Variants in SHISA6 observed in about 807,000 individuals in gnomAD.
SHISA6 encodes the protein shisa family member 6, also known as protein shisa-6.
In SHISA6, 22 loss-of-function variants were observed where a neutral mutation model predicts 47.9. The observed-to-expected ratio is 0.46, with a 90% CI of 0.33 to 0.66. The LOEUF is 0.66. Among genes scored for constraint, SHISA6 ranks in the 30% least tolerant of loss-of-function variants. The pLI, the probability that SHISA6 is intolerant of heterozygous loss-of-function variation, is 0.02. For synonymous variants in SHISA6, 388 were observed against 337.8 expected, an observed-to-expected ratio of 1.15 and a Z score of -1.63; for missense variants, 680 against 764.6, an observed-to-expected ratio of 0.89 and a Z score of 1.30.
chr17:11,399,450 C>T (rs981294585), intron 3 of SHISA6, among the ~76,000 whole-genome samples: 2 of 152,134 alleles, frequency 1.3e-5, no homozygotes, highest in South Asian at 4.1e-4. Context: ...GAGATGGAGT[C>T]TCACTCTGTC....
At chr17:11,271,601 C>CTTTTTTTTTTTT (rs770845288) in intron 2 of SHISA6, among the ~76,000 whole-genome samples, 4 of 99,688 alleles carry the variant, frequency 4.0e-5, no homozygotes, top group African/African-American at 1.8e-4. Context: ...CCACGCCTGG[C>CTTTTTTTTTTTT]TTTTTTTTTT....
At chr17:11,501,650 C>G (rs1203206498) in intron 3 of SHISA6, among the ~76,000 whole-genome samples, 1 of 151,992 alleles carries the variant, frequency 6.6e-6, no homozygotes, top group African/African-American at 2.4e-5. Flanking sequence ...GATGAGAATT[C>G]AGATGGCCAC....
At chr17:11,261,755 C>A (rs1476933943) in intron 1 of SHISA6, among the ~76,000 whole-genome samples, 1 of 152,170 alleles carries the variant, frequency 6.6e-6, no homozygotes, top group African/African-American at 2.4e-5. Flanking sequence ...GTTATTAATA[C>A]TGCTGCTATG....
At chr17:11,493,209 T>C (rs1237109976) in intron 3 of SHISA6, among the ~76,000 whole-genome samples, 2 of 152,108 alleles carry the variant, frequency 1.3e-5, no homozygotes, top group Non-Finnish European at 2.9e-5. Context: ...AAGGAAATAA[T>C]GCAACTCCTT....
chr17:11,267,751 A>C (rs910240185), intron 2 of SHISA6, among the ~76,000 whole-genome samples: 1 of 152,180 alleles, frequency 6.6e-6, no homozygotes, highest in African/African-American at 2.4e-5. Context: ...TGTCGTAACC[A>C]GTCCTCTCCT....
chr17:11,343,904 G>C (rs1222910958), intron 2 of SHISA6, among the ~76,000 whole-genome samples: 1 of 152,142 alleles, frequency 6.6e-6, no homozygotes, highest in Non-Finnish European at 1.5e-5. Context: ...GGCCAGGCTC[G>C]CCTCGAACTC....
At chr17:11,502,408 C>CA (rs33980148) in intron 3 of SHISA6, among the ~76,000 whole-genome samples, 3,649 of 33,648 alleles carry the variant, frequency 0.11, 403 homozygotes, top group African/African-American at 0.16. Context: ...GACTCCGTCT[C>CA]AAAAAAAAAA....
chr17:11,253,957 C>G (rs1907915240), intron 1 of SHISA6, among the ~76,000 whole-genome samples: 1 of 152,116 alleles, frequency 6.6e-6, no homozygotes. Context: ...TCTCAGTGGC[C>G]TAAGGACTCT....
chr17:11,514,531 T>C (rs2071566747), intron 3 of SHISA6, among the ~76,000 whole-genome samples: 2 of 152,246 alleles, frequency 1.3e-5, no homozygotes, highest in African/African-American at 2.4e-5. Flanking sequence ...GTGGCCTGCA[T>C]TGCATCCATC....
Position 11,409,567 on chromosome 17 carries a change from G to A in SHISA6, c.895+30058G>A, listed in dbSNP as rs146773616. Among the ~76,000 whole-genome samples, 385 of 152,204 alleles carry A rather than the reference G, an allele frequency of 2.5e-3. 1 individual carries two copies. Among genetic ancestry groups the A allele is most frequent in the African/African-American group, 8.8e-3 (365 of 41,516 alleles). On this transcript the variant is annotated intron_variant, in intron 3 of 5. Transcript: ENST00000441885. ...AAAAATACAAAAATTAGCCAGGAGT[G>A]GTGGCGCTTGCCTGTAGTCCCAGCT...
At chr17:11,370,491 A>C (rs1912600323) in intron 2 of SHISA6, among the ~76,000 whole-genome samples, 1 of 152,184 alleles carries the variant, frequency 6.6e-6, no homozygotes, top group Non-Finnish European at 1.5e-5. Context: ...AAACCAACAA[A>C]ATGATGATTT....
rs1298506230 is a variant in SHISA6, at chr17:11,384,638, T to A, written c.895+5129T>A. On this transcript the variant is annotated intron_variant, in intron 3 of 5. Transcript: ENST00000441885. ...ATATCCCTGGCCACACCAGGGTAAG[T>A]AAGGGGTCCTTACAGTGGTGGCAGC... Among the ~76,000 whole-genome samples the A allele has an allele frequency of 2.0e-5, 3 of 152,288 alleles. No homozygotes were observed. The East Asian group carries it at 5.8e-4, about 29-fold the overall frequency.
intron 3 of SHISA6, among the ~76,000 whole-genome samples, chr17:11,438,889 G>A (rs762377079): frequency 5.3e-5 from 8 of 152,124 alleles, no homozygotes; most frequent in Admixed American, 3.3e-4. Context: ...CCCCCAAGAC[G>A]AAGATTCATG....
intron 3 of SHISA6, among the ~76,000 whole-genome samples, chr17:11,472,186 A>G (rs946293015): frequency 6.6e-6 from 1 of 152,118 alleles, no homozygotes; most frequent in African/African-American, 2.4e-5. Context: ...TCATATCAGT[A>G]TGCAGTCTTT....
intron 2 of SHISA6, among the ~76,000 whole-genome samples, chr17:11,352,731 G>T (rs1310441656): frequency 6.6e-6 from 1 of 152,168 alleles, no homozygotes; most frequent in East Asian, 1.9e-4. Context: ...GTGCATGTAG[G>T]GTTGAAACAG....
rs182379591 is a variant in SHISA6, at chr17:11,502,893, G to A, written c.896-49003G>A. Among the ~76,000 whole-genome samples the A allele has an allele frequency of 1.6e-3, 248 of 152,282 alleles. 7 individuals carry two copies. The highest frequency in any genetic ancestry group is 3.5e-4 in the Non-Finnish European group (24 of 68,036). On this transcript the variant is annotated intron_variant, in intron 3 of 5. Transcript: ENST00000441885. The stretch of plus-strand genomic sequence containing the variant: ...AACAGTAGGCAGCCTTTTTGGATGG[G>A]TTTGGGCACAGAGCTGGGTCTCAAG...
chr17:11,320,575 T>A lies in SHISA6; in HGVS notation c.799+57049T>A, dbSNP rs533183517. Among the ~76,000 whole-genome samples the A allele has an allele frequency of 2.0e-5, 3 of 152,018 alleles. No homozygotes were observed. The South Asian group carries it at 6.2e-4, about 32-fold the overall frequency. On this transcript the variant is annotated intron_variant, in intron 2 of 5. Transcript: ENST00000441885. ...CAGGAGGCTGTGGCAGGAGAATCATTTGAACTCTGGAGGTGGAGGCTTCAG... is the reference window on the plus strand; with the variant it reads ...CAGGAGGCTGTGGCAGGAGAATCATATGAACTCTGGAGGTGGAGGCTTCAG...
At chr17:11,347,642 T>G (rs148972027) in intron 2 of SHISA6, among the ~76,000 whole-genome samples, 101 of 152,250 alleles carry the variant, frequency 6.6e-4, no homozygotes, top group African/African-American at 2.4e-3. Context: ...GGATTTCAAA[T>G]GCAACCTCAC....
intron 1 of SHISA6, among the ~76,000 whole-genome samples, chr17:11,261,946 G>C (rs1597427595): frequency 6.6e-6 from 1 of 152,154 alleles, no homozygotes; most frequent in Admixed American, 6.5e-5. Context: ...AGTGTATGAA[G>C]GCTCCAATTT....
Sources: gnomAD v4.1 joint callset for allele counts (sites outside exome capture counted in the v4.1 genomes callset) on GRCh38, gnomAD v4.1.1 for gene constraint, MANE v1.5 for transcripts, NCBI Gene and HGNC (gene_info 2026-07-23, HGNC 2026-07-21) for gene names.